RUNX1: variants seen among roughly 807,000 people sequenced by gnomAD.
RUNX1 encodes the protein RUNX family transcription factor 1.
A neutral mutation model predicts 42.8 loss-of-function variants in RUNX1; 19 were observed. That is an observed-to-expected ratio of 0.44 (90% CI 0.31 to 0.65). The LOEUF (loss-of-function observed/expected upper bound fraction) is 0.65. Among genes scored for constraint, RUNX1 ranks in the 30% least tolerant of loss-of-function variants. RUNX1 has a pLI of 0.07. For synonymous variants in RUNX1, 271 were observed against 289.4 expected (o/e 0.94, Z 0.64); for missense variants, 528 against 672.0 (o/e 0.79, Z 2.37).
At chr21:34,957,531 G>A (rs1202920784) in intron 2 of RUNX1, among the ~76,000 whole-genome samples, 1 of 152,160 alleles carries the variant, frequency 6.6e-6, no homozygotes, top group Non-Finnish European at 1.5e-5. Flanking sequence ...AGTGCCACCT[G>A]GGTGCCATGA....
intron 6 of RUNX1, among the ~76,000 whole-genome samples, chr21:34,838,831 G>A (rs1453695385): frequency 6.6e-6 from 1 of 151,816 alleles, no homozygotes; most frequent in Non-Finnish European, 1.5e-5. Context: ...CTCCCTAATT[G>A]CAAACCTAAC....
intron 2 of RUNX1, among the ~76,000 whole-genome samples, chr21:34,934,407 T>C (rs1206076353): frequency 6.6e-6 from 1 of 152,166 alleles, no homozygotes; most frequent in Non-Finnish European, 1.5e-5. Context: ...GTTTGCTGAA[T>C]GACAATGTCT....
intron 5 of RUNX1, among the ~76,000 whole-genome samples, chr21:34,865,260 C>G (rs1601483973): frequency 6.7e-6 from 1 of 149,034 alleles, no homozygotes; most frequent in Non-Finnish European, 1.5e-5. Context: ...TGACGTCTGA[C>G]ATGAGGAGGG....
At chr21:34,982,627 T>C (rs2058855916) in intron 2 of RUNX1, among the ~76,000 whole-genome samples, 1 of 152,214 alleles carries the variant, frequency 6.6e-6, no homozygotes, top group Admixed American at 6.5e-5. Context: ...TGGAGTGTAG[T>C]GGCGCGATCT....
At chr21:34,935,725 T>A (rs796757583) in intron 2 of RUNX1, among the ~76,000 whole-genome samples, 7 of 152,182 alleles carry the variant, frequency 4.6e-5, no homozygotes, top group African/African-American at 1.7e-4. Flanking sequence ...ACCTATTAGA[T>A]GCCATTAGCC....
chr21:34,818,716 T>A (rs1311374247), intron 7 of RUNX1, among the ~76,000 whole-genome samples: 1 of 152,226 alleles, frequency 6.6e-6, no homozygotes, highest in Non-Finnish European at 1.5e-5. Context: ...CAGAGGAGGA[T>A]GGACCAGCCG....
intron 6 of RUNX1, among the ~76,000 whole-genome samples, chr21:34,849,702 T>C (rs1377345756): frequency 6.7e-6 from 1 of 149,994 alleles, no homozygotes; most frequent in Non-Finnish European, 1.5e-5. Flanking sequence ...TGTACGGTAA[T>C]AGATTATACC....
intron 6 of RUNX1, among the ~76,000 whole-genome samples, chr21:34,845,957 C>T (rs1011424662): frequency 2.6e-5 from 4 of 152,102 alleles, no homozygotes; most frequent in African/African-American, 9.7e-5. Context: ...AAGCTGTTTG[C>T]GGCTAGATTA....
chr21:34,834,728 C>A, intron 6 of RUNX1, 127 bp from the exon 7 acceptor site: 1 of 809,590 alleles, frequency 1.2e-6, no homozygotes, highest in Non-Finnish European at 2.0e-6. Context: ...CTCCCCTCAC[C>A]CCAACATAGA....
chr21:34,901,518 A>AAATAATAATAATAATAATAATAATAAT lies in RUNX1; in HGVS notation c.59-8556_59-8555insATTATTATTATTATTATTATTATTATT, dbSNP rs536376739. ...ACAGAGCCAGATCCGTCTCAAAAATAAATAATAATAATAATAATAACAATA... is the reference window on the plus strand; with the variant it reads ...ACAGAGCCAGATCCGTCTCAAAAATAAATAATAATAATAATAATAATAATAATAATAATAATAATAATAATAACAATA... On this transcript the variant is annotated intron_variant, in intron 2 of 8. Coordinates refer to ENST00000675419, the MANE Select transcript of RUNX1 (RefSeq NM_001754.5). The surrounding 1 kb of genome is among the most constrained non-coding windows in gnomAD (Gnocchi z 4.3). Among the ~76,000 whole-genome samples, 7 of 151,758 alleles carry AAATAATAATAATAATAATAATAATAAT rather than the reference A, an allele frequency of 4.6e-5. No homozygotes were observed. The highest frequency in any genetic ancestry group is 1.7e-4 in the African/African-American group (7 of 41,284).
chr21:34,958,902 G>T (rs2058664191), intron 2 of RUNX1, among the ~76,000 whole-genome samples: 1 of 152,120 alleles, frequency 6.6e-6, no homozygotes, highest in Admixed American at 6.5e-5. Context: ...CCTTTGTAGG[G>T]ACATGGATGA....
intron 2 of RUNX1, among the ~76,000 whole-genome samples, chr21:35,004,783 A>T (rs73900770): frequency 0.083 from 12,670 of 152,262 alleles, 644 homozygotes; most frequent in Middle Eastern, 0.12. Flanking sequence ...CTTTAAGTTC[A>T]GACCTTCCCT....
At chr21:34,820,369 G>A (rs1255724580) in intron 7 of RUNX1, among the ~76,000 whole-genome samples, 1 of 152,148 alleles carries the variant, frequency 6.6e-6, no homozygotes, top group Non-Finnish European at 1.5e-5. Context: ...CCCTCCTCCA[G>A]CCAGGCATGG....
At chr21:34,889,389 T>C (rs969772406) in intron 3 of RUNX1, among the ~76,000 whole-genome samples, 1 of 151,680 alleles carries the variant, frequency 6.6e-6, no homozygotes, top group African/African-American at 2.4e-5. Flanking sequence ...TAATGGGTGT[T>C]TTTTACCGCT....
At chr21:35,001,606 C>G (rs2059044908) in intron 2 of RUNX1, among the ~76,000 whole-genome samples, 1 of 152,136 alleles carries the variant, frequency 6.6e-6, no homozygotes, top group South Asian at 2.1e-4. Context: ...GATGTTCACT[C>G]TTGCCACTTC....
intron 2 of RUNX1, among the ~76,000 whole-genome samples, chr21:35,006,744 T>A (rs767756269): frequency 9.9e-5 from 15 of 152,176 alleles, no homozygotes; most frequent in Non-Finnish European, 1.9e-4. Flanking sequence ...TGTCACCACA[T>A]CTTTTGATCC....
Position 34,789,756 on chromosome 21 carries a change from A to C in RUNX1, c.*2379T>G, listed in dbSNP as rs755062640. On this transcript the variant is annotated 3_prime_UTR_variant, in exon 9 of 9. Coordinates refer to ENST00000675419, the MANE Select transcript of RUNX1 (RefSeq NM_001754.5). The stretch of plus-strand genomic sequence containing the variant: ...ATCCAGTGAGCCTACAATAGTGACA[A>C]GCCCCCTCCACACATGGCTTTGAGA... The C allele has an allele frequency of 5.1e-5, 12 of 233,192 alleles. No individual in the cohort carries two copies. The highest frequency in any genetic ancestry group is 7.6e-5 in the Non-Finnish European group (9 of 118,070). The allele number at this position is 233,192 out of a possible 1,614,324, so 14.4% of individuals were successfully genotyped here. A position where few individuals can be genotyped will look rare whatever the true frequency, so the allele number is the denominator to read the frequency against.
chr21:34,849,335 T>TA (rs1601446877), intron 6 of RUNX1, among the ~76,000 whole-genome samples: 7 of 31,858 alleles, frequency 2.2e-4, no homozygotes, highest in East Asian at 2.8e-3. Flanking sequence ...ATATATACTA[T>TA]ATATATTATA....
chr21:34,857,747 A>T (rs1247045052), intron 6 of RUNX1, among the ~76,000 whole-genome samples: 5 of 152,204 alleles, frequency 3.3e-5, no homozygotes, highest in African/African-American at 1.2e-4. Context: ...TGTGGAGAAC[A>T]AACTTGCTTT....
Sources: gnomAD v4.1 joint callset for allele counts (sites outside exome capture counted in the v4.1 genomes callset) on GRCh38, gnomAD v4.1.1 for gene constraint, Gnocchi (gnomAD v3.1) non-coding constraint, MANE v1.5 for transcripts, NCBI Gene and HGNC (gene_info 2026-07-23, HGNC 2026-07-21) for gene names.